KCNT2: variants seen among roughly 807,000 people sequenced by gnomAD.
KCNT2 encodes the protein potassium channel subfamily T member 2.
A neutral mutation model predicts 153.8 loss-of-function variants in KCNT2; 67 were observed. The observed-to-expected ratio is 0.44, with a 90% confidence interval of 0.36 to 0.53. The LOEUF (loss-of-function observed/expected upper bound fraction) is 0.53. KCNT2 is among the 20% of genes least tolerant of loss of function. The pLI, the probability that KCNT2 is intolerant of heterozygous loss-of-function variation, is 0.00. For missense variants in KCNT2, 975 were observed against 1,354.8 expected (o/e 0.72, Z 4.40); for synonymous variants, 500 against 458.8 (o/e 1.09, Z -1.15).
At chr1:196,466,321 C>T (rs1213838804) in intron 7 of KCNT2, among the ~76,000 whole-genome samples, 2 of 151,916 alleles carry the variant, frequency 1.3e-5, no homozygotes, top group African/African-American at 4.8e-5. Context: ...ATTAAGACAG[C>T]CCAATGTTTC....
chr1:196,381,008 T>C (rs1002585142), intron 13 of KCNT2, among the ~76,000 whole-genome samples: 5 of 152,190 alleles, frequency 3.3e-5, no homozygotes, highest in African/African-American at 1.2e-4. Flanking sequence ...TAAAAGTCAC[T>C]TAGTTTCACT....
intron 8 of KCNT2, among the ~76,000 whole-genome samples, chr1:196,447,149 T>A (rs914152224): frequency 6.6e-6 from 1 of 151,532 alleles, no homozygotes; most frequent in Non-Finnish European, 1.5e-5. Context: ...AAATGTATGA[T>A]AAAAACTCAG....
At chr1:196,481,992 T>C (rs1396753594) in intron 4 of KCNT2, among the ~76,000 whole-genome samples, 1 of 152,170 alleles carries the variant, frequency 6.6e-6, no homozygotes, top group Non-Finnish European at 1.5e-5. Context: ...AACACAGTTA[T>C]AGGCTTTGAG....
At chr1:196,497,088 C>A (rs904089337) in intron 1 of KCNT2, among the ~76,000 whole-genome samples, 1 of 152,040 alleles carries the variant, frequency 6.6e-6, no homozygotes, top group South Asian at 2.1e-4. Context: ...TTGTGTTGTC[C>A]CTTTCTTATA....
At chr1:196,268,666 T>C (rs970862204) in intron 25 of KCNT2, among the ~76,000 whole-genome samples, 1 of 152,154 alleles carries the variant, frequency 6.6e-6, no homozygotes, top group African/African-American at 2.4e-5. Context: ...GCCTGGGCAC[T>C]TCTTCCTTTT....
intron 12 of KCNT2, among the ~76,000 whole-genome samples, chr1:196,416,537 A>G (rs566659198): frequency 6.6e-6 from 1 of 152,106 alleles, no homozygotes; most frequent in African/African-American, 2.4e-5. Context: ...TTGCTACTCT[A>G]CCAAACTTTT....
chr1:196,360,669 G>A (rs1307105988), intron 14 of KCNT2, among the ~76,000 whole-genome samples: 2 of 152,024 alleles, frequency 1.3e-5, no homozygotes, highest in Admixed American at 6.6e-5. Flanking sequence ...AAGACATCAG[G>A]AATGTGGGCG....
chr1:196,346,455 TCTGTGC>T (rs1207223107), intron 14 of KCNT2, among the ~76,000 whole-genome samples: 1 of 152,194 alleles, frequency 6.6e-6, no homozygotes, highest in Admixed American at 6.6e-5. Context: ...TTCCTAATTA[TCTGTGC>T]CTGTATTAGA....
intron 1 of KCNT2, among the ~76,000 whole-genome samples, chr1:196,549,795 G>A (rs1657648061): frequency 6.6e-6 from 1 of 151,862 alleles, no homozygotes; most frequent in African/African-American, 2.4e-5. Context: ...TTCTTGAATA[G>A]AGTCTGAGTA....
At chr1:196,337,006 G>T (rs1417490831) in intron 16 of KCNT2, among the ~76,000 whole-genome samples, 1 of 151,716 alleles carries the variant, frequency 6.6e-6, no homozygotes, top group Non-Finnish European at 1.5e-5. Flanking sequence ...ACTTCATTTG[G>T]TCTTATGGCT....
intron 8 of KCNT2, among the ~76,000 whole-genome samples, chr1:196,444,756 T>C (rs1675543635): frequency 6.6e-6 from 1 of 151,336 alleles, no homozygotes; most frequent in Non-Finnish European, 1.5e-5. Context: ...AATGAAGAAT[T>C]TTAAGCAAGA....
intron 21 of KCNT2, among the ~76,000 whole-genome samples, chr1:196,308,325 C>A (rs140789459): frequency 8.9e-4 from 136 of 152,044 alleles, no homozygotes; most frequent in African/African-American, 2.8e-3. Context: ...GCTGAGGGTG[C>A]CTGTCTCAAC....
At chr1:196,553,456 C>A (rs1457351301) in intron 1 of KCNT2, among the ~76,000 whole-genome samples, 2 of 150,716 alleles carry the variant, frequency 1.3e-5, no homozygotes, top group African/African-American at 4.9e-5. Flanking sequence ...CACCATAGAA[C>A]AAATGAACAT....
At chr1:196,567,200 T>A (rs1030606153) in intron 1 of KCNT2, among the ~76,000 whole-genome samples, 1 of 152,056 alleles carries the variant, frequency 6.6e-6, no homozygotes, top group African/African-American at 2.4e-5. Flanking sequence ...CCTCCTCTAC[T>A]TGAACGTTAA....
chr1:196,370,584 G>T (rs957803770), intron 14 of KCNT2, among the ~76,000 whole-genome samples: 1 of 152,004 alleles, frequency 6.6e-6, no homozygotes, highest in African/African-American at 2.4e-5. Flanking sequence ...TGCTGATGAT[G>T]TAAAGAAAGT....
intron 13 of KCNT2, among the ~76,000 whole-genome samples, chr1:196,387,866 C>T (rs567705127): frequency 2.7e-5 from 4 of 150,060 alleles, no homozygotes; most frequent in Non-Finnish European, 4.4e-5. Context: ...GTCTGGGGTT[C>T]GCCATTCTTT....
chr1:196,247,579 G>A (rs1006031911), intron 26 of KCNT2, among the ~76,000 whole-genome samples: 3 of 152,282 alleles, frequency 2.0e-5, no homozygotes, highest in Admixed American at 6.5e-5. Context: ...CATGGCAGAA[G>A]GGGAAGCAAA....
At chr1:196,514,717 T>A (rs1167582202) in intron 1 of KCNT2, among the ~76,000 whole-genome samples, 1 of 152,202 alleles carries the variant, frequency 6.6e-6, no homozygotes, top group African/African-American at 2.4e-5. Context: ...GTATATTGCT[T>A]TTCTATATCT....
At chr1:196,361,585 G>C (rs1667627503) in intron 14 of KCNT2, among the ~76,000 whole-genome samples, 1 of 152,022 alleles carries the variant, frequency 6.6e-6, no homozygotes, top group South Asian at 2.1e-4. Context: ...GTCTACCTGA[G>C]AAGTTTATGA....
Sources: allele counts gnomAD v4.1 joint callset (sites outside exome capture counted in the v4.1 genomes callset), GRCh38; gene constraint gnomAD v4.1.1; transcripts MANE v1.5; gene names NCBI Gene and HGNC (gene_info 2026-07-23, HGNC 2026-07-21).